ZFYVE26: variants seen among roughly 807,000 people sequenced by gnomAD.
The protein encoded by ZFYVE26 is zinc finger FYVE-type containing 26.
ZFYVE26 carries 181 observed loss-of-function variants against 276.5 expected under a neutral mutation model. The observed-to-expected ratio is 0.65, with a 90% CI of 0.58 to 0.74. The LOEUF (loss-of-function observed/expected upper bound fraction) is 0.74. Ranked by LOEUF, ZFYVE26 falls within the 30% of genes least tolerant of loss-of-function variation. The probability of loss-of-function intolerance (pLI) is 0.00; values close to 1 mark genes in which losing one functional copy is unlikely to be tolerated. For synonymous variants in ZFYVE26, 1,129 were observed against 1,203.1 expected, an observed-to-expected ratio of 0.94 and a Z score of 1.27; for missense variants, 2,821 against 3,097.9, an observed-to-expected ratio of 0.91 and a Z score of 2.12.
At chr14:67,753,840 T>C (rs1302531260) in intron 38 of ZFYVE26, 74 bp from the exon 39 acceptor site, 12 of 1,545,896 alleles carry the variant, frequency 7.8e-6, no homozygotes, top group Middle Eastern at 1.7e-4. Context: ...AATGAAGGCC[T>C]CTATTTATTC....
At chr14:67,787,882 T>C (rs1015297337) in intron 16 of ZFYVE26, among the ~76,000 whole-genome samples, 1 of 152,210 alleles carries the variant, frequency 6.6e-6, no homozygotes, top group Non-Finnish European at 1.5e-5. Flanking sequence ...CCTTAGAACA[T>C]CTGCTTGCAA....
chr14:67,761,950 T>TTA, intron 34 of ZFYVE26: 1 of 570,850 alleles, frequency 1.8e-6, no homozygotes, highest in South Asian at 2.1e-5. Flanking sequence ...GTGTATGGGA[T>TTA]TATATGTCAT....
intron 13 of ZFYVE26, 122 bp downstream of exon 13, chr14:67,794,049 G>A: frequency 9.0e-7 from 1 of 1,109,854 alleles, no homozygotes; most frequent in Admixed American, 1.7e-5. Context: ...CTAAAATCTG[G>A]CCATCTGCCA....
chr14:67,741,872 C>T (rs2038418260), downstream of ZFYVE26, among the ~76,000 whole-genome samples: 1 of 152,230 alleles, frequency 6.6e-6, no homozygotes, highest in African/African-American at 2.4e-5. Context: ...GACTACACCT[C>T]CATCACATGA....
rs748826729 is a variant in ZFYVE26, at chr14:67,752,379, T to A, written c.7336A>T (p.Asn2446Tyr). 3.7e-6 allele frequency: 6 copies of A among 1,612,482 alleles called. No individual in the cohort carries two copies. The South Asian group carries it at 5.5e-5, about 15-fold the overall frequency. Residue 2446 changes from asparagine to tyrosine, a missense_variant, in exon 40 of 42, where the codon AAC becomes TAC. By Grantham distance (143) the Asn-to-Tyr change is moderately radical. Coordinates refer to ENST00000347230, the MANE Select transcript of ZFYVE26 (RefSeq NM_015346.4). Reference sequence around the variant, plus strand: ...ATTCTCTTGAACGCTTCCAGGCAGTTGAGGAGGATGGTGTCCCCGTCACTT... The same window carrying A: ...ATTCTCTTGAACGCTTCCAGGCAGTAGAGGAGGATGGTGTCCCCGTCACTT... ...AKSDGDTILL[N>Y]CLEAFKRIPP...
intron 14 of ZFYVE26, among the ~76,000 whole-genome samples, chr14:67,791,513 C>A (rs550670746): frequency 1.3e-5 from 2 of 151,830 alleles, no homozygotes; most frequent in African/African-American, 4.8e-5. Context: ...GAAATATTGG[C>A]CAAAAAAATA....
chr14:67,768,260 A>G (rs1389441617), intron 30 of ZFYVE26, among the ~76,000 whole-genome samples: 1 of 152,162 alleles, frequency 6.6e-6, no homozygotes, highest in Non-Finnish European at 1.5e-5. Flanking sequence ...AAATAAAATC[A>G]CCTACTAAAA....
chr14:67,754,363 T>G (rs11622772), intron 37 of ZFYVE26, 151 bp from the exon 38 acceptor site: 5 of 1,030,930 alleles, frequency 4.8e-6, no homozygotes, highest in African/African-American at 1.6e-5. Flanking sequence ...TGAGCAGTTA[T>G]GACAAGACCA....
intron 22 of ZFYVE26, among the ~76,000 whole-genome samples, chr14:67,780,569 G>A (rs567467438): frequency 7.9e-5 from 12 of 152,258 alleles, no homozygotes; most frequent in Middle Eastern, 3.4e-3. Flanking sequence ...ATGGAGGCCA[G>A]GACTGGGGCC....
intron 34 of ZFYVE26, 50 bp from the exon 35 acceptor site, chr14:67,761,634 G>T: frequency 6.6e-7 from 1 of 1,526,652 alleles, no homozygotes; most frequent in Non-Finnish European, 9.0e-7. Flanking sequence ...AAAGTTCTCA[G>T]CAGGCACTGA....
At chr14:67,741,421 C>G (rs542336044) in intron 13 of ZFYVE26, among the ~76,000 whole-genome samples, 1 of 152,232 alleles carries the variant, frequency 6.6e-6, no homozygotes, top group East Asian at 1.9e-4. Context: ...TCATGTAGTT[C>G]ATATTCATGT....
chr14:67,805,328 A>G lies in ZFYVE26; in HGVS notation c.1183-23T>C, dbSNP rs753366988. ...GCCCTATGTTGATATGGGAGAAGAAAGAGATGCTGACTCAGGCACCTGGGG... is the reference window on the plus strand; with the variant it reads ...GCCCTATGTTGATATGGGAGAAGAAGGAGATGCTGACTCAGGCACCTGGGG... On this transcript the variant is annotated intron_variant, in intron 7 of 41. Transcript: ENST00000347230. The G allele has an allele frequency of 2.5e-6, 4 of 1,614,050 alleles. No homozygotes were observed. The South Asian group carries it at 4.4e-5, about 18-fold the overall frequency.
chr14:67,768,389 T>G (rs1176665423), intron 30 of ZFYVE26, 128 bp downstream of exon 30: 7 of 1,047,572 alleles, frequency 6.7e-6, no homozygotes, highest in African/African-American at 1.6e-5. Context: ...GCCAAGAATT[T>G]GCTTTGGCAA....
intron 28 of ZFYVE26, among the ~76,000 whole-genome samples, chr14:67,771,419 T>C (rs1037067982): frequency 6.6e-6 from 1 of 152,224 alleles, no homozygotes; most frequent in African/African-American, 2.4e-5. Context: ...TTCATTTCAT[T>C]CTAATAGAAA....
chr14:67,813,488 T>C (rs1001424366), intron 3 of ZFYVE26, among the ~76,000 whole-genome samples: 2 of 152,176 alleles, frequency 1.3e-5, no homozygotes, highest in Admixed American at 6.5e-5. Flanking sequence ...AGGTTTTTTT[T>C]TTCAATATTA....
At position 67,798,566 on chromosome 14, in the gene ZFYVE26, T is replaced by C; in HGVS notation, c.1696A>G (p.Ile566Val). ...LARCQQYLCS[I>V]PDSLCLELLE... ...AGCTCCAGGCACAGAGAGTCAGGAA[T>C]ACTGCACAGATACTGTTGACACCTG... Residue 566 changes from isoleucine (I) to valine (V), a missense_variant, in exon 11 of 42, where the codon ATT becomes GTT. Coordinates refer to ENST00000347230, the MANE Select transcript of ZFYVE26 (RefSeq NM_015346.4). 1 of 1,614,118 alleles carries C rather than the reference T, an allele frequency of 6.2e-7. No individual in the cohort carries two copies. The highest frequency in any genetic ancestry group is 8.5e-7 in the Non-Finnish European group (1 of 1,180,028).
Position 67,785,883 on chromosome 14 carries a change from T to C in ZFYVE26, c.3279A>G (p.Ser1093=). 1 of 1,614,128 alleles carries C rather than the reference T, an allele frequency of 6.2e-7. No homozygotes were observed. The highest frequency in any genetic ancestry group is 2.2e-5 in the East Asian group (1 of 44,872). Reference sequence around the variant, plus strand: ...CTGGCAGCTCTAGTGCCTCTCTCAGTGACTGAAGGACCTGATCTAGCTGCT... The same window carrying C: ...CTGGCAGCTCTAGTGCCTCTCTCAGCGACTGAAGGACCTGATCTAGCTGCT... ...LSQQLDQVLQ[S]LREALELPEP... The change falls in exon 18 of 42, where the codon TCA becomes TCG. Residue 1093 remains serine, a synonymous_variant. Transcript: ENST00000347230.
intron 10 of ZFYVE26, chr14:67,799,505 C>T (rs1233262220): frequency 1.9e-6 from 3 of 1,600,298 alleles, no homozygotes; most frequent in South Asian, 1.1e-5. Context: ...ACAAAAGGAT[C>T]GGCAAAAGGA....
In ZFYVE26 at chr14:67,762,728, C is replaced by T. The variant is rs756998626; in HGVS notation, c.6103G>A (p.Val2035Ile). ...SLDQILQPAA[V>I]TRLRNQLLEA... is the part of the protein sequence containing the mutation. ...AAAAGCTGGTTCCTTAGCCTGGTTA[C>T]TGCAGCTGGCTGCAAGATCTGATCC... Residue 2035 changes from valine (V) to isoleucine (I), a missense_variant, in exon 33 of 42, where the codon GTA becomes ATA. Physicochemically the swap from Val to Ile is conservative, Grantham distance 29. Coordinates refer to ENST00000347230, the MANE Select transcript of ZFYVE26 (RefSeq NM_015346.4). 2 of 1,614,224 alleles carry T rather than the reference C, an allele frequency of 1.2e-6. No individual in the cohort carries two copies. The highest frequency in any genetic ancestry group is 1.3e-5 in the African/African-American group (1 of 75,074).
Sources: gnomAD v4.1 joint callset for allele counts (sites outside exome capture counted in the v4.1 genomes callset) on GRCh38, gnomAD v4.1.1 for gene constraint, MANE v1.5 for transcripts, NCBI Gene and HGNC (gene_info 2026-07-23, HGNC 2026-07-21) for gene names.